Variants in TFB1M observed in about 807,000 individuals in gnomAD.
TFB1M encodes dimethyladenosine transferase 1, mitochondrial.
A neutral mutation model predicts 31.1 loss-of-function variants in TFB1M; 27 were observed. That is an observed-to-expected ratio of 0.87 (90% CI 0.64 to 1.20). TFB1M has a LOEUF of 1.20. TFB1M is among the 50% of genes most tolerant of loss of function. The probability of loss-of-function intolerance (pLI) is 0.00; values close to 1 mark genes in which losing one functional copy is unlikely to be tolerated. For missense variants in TFB1M, 394 were observed against 418.7 expected, an observed-to-expected ratio of 0.94 and a Z score of 0.51; for synonymous variants, 166 against 151.8, an observed-to-expected ratio of 1.09 and a Z score of -0.69.
chr6:155,275,937 T>G (rs780493282), intron 5 of TFB1M: 5 of 1,613,964 alleles, frequency 3.1e-6, no homozygotes, highest in Non-Finnish European at 4.2e-6. Flanking sequence ...ATTCTGTCCC[T>G]CCCCATCCAC....
intron 2 of TFB1M, among the ~76,000 whole-genome samples, chr6:155,309,688 G>A (rs1156776534): frequency 2.0e-5 from 3 of 152,158 alleles, no homozygotes; most frequent in African/African-American, 4.8e-5. Flanking sequence ...AAAGTCAGGT[G>A]AGTATTCCCT....
chr6:155,244,176 A>G, the TFB1M span: 3 of 1,192,742 alleles, frequency 2.5e-6, no homozygotes, highest in African/African-American at 1.5e-5. Context: ...GTTGATCCCA[A>G]AAGAACATCC....
intron 4 of TFB1M, among the ~76,000 whole-genome samples, chr6:155,286,427 CTATG>C (rs1776630124): frequency 6.7e-6 from 1 of 149,762 alleles, no homozygotes; most frequent in East Asian, 2.0e-4. Context: ...ATATATGTAT[CTATG>C]TATGTCTTTT....
At chr6:155,269,192 C>T (rs1784808396) in intron 5 of TFB1M, among the ~76,000 whole-genome samples, 1 of 151,726 alleles carries the variant, frequency 6.6e-6, no homozygotes, top group Non-Finnish European at 1.5e-5. Context: ...AGAGGTGGGG[C>T]AATGCTATGT....
chr6:155,289,142 C>A (rs1776791153), intron 4 of TFB1M, among the ~76,000 whole-genome samples: 2 of 151,944 alleles, frequency 1.3e-5, no homozygotes, highest in Admixed American at 1.3e-4. Context: ...AGCTACACAG[C>A]CATATATCAG....
chr6:155,241,268 C>A, the TFB1M span, among the ~76,000 whole-genome samples: 45 of 152,324 alleles, frequency 3.0e-4, no homozygotes, highest in African/African-American at 1.0e-3. Flanking sequence ...CATAAGCCCC[C>A]AGTCAGTGGT....
chr6:155,240,504 A>G, the TFB1M span: 1 of 1,585,210 alleles, frequency 6.3e-7, no homozygotes, highest in East Asian at 2.3e-5. Flanking sequence ...CCCGTGCATT[A>G]TTTTCCACCT....
chr6:155,310,226 T>C (rs1166131889), intron 2 of TFB1M, among the ~76,000 whole-genome samples: 2 of 152,214 alleles, frequency 1.3e-5, no homozygotes, highest in African/African-American at 4.8e-5. Flanking sequence ...TATTCTATTA[T>C]AGTCACATGA....
At chr6:155,233,637 A>G in the TFB1M span, among the ~76,000 whole-genome samples, 1 of 152,144 alleles carries the variant, frequency 6.6e-6, no homozygotes, top group Admixed American at 6.5e-5. Context: ...AGATAAAATC[A>G]TTTTCAAGCA....
intron 6 of TFB1M, among the ~76,000 whole-genome samples, chr6:155,258,719 T>C (rs896694361): frequency 3.3e-5 from 5 of 152,242 alleles, no homozygotes; most frequent in African/African-American, 1.2e-4. Flanking sequence ...ATTGCATTTT[T>C]CTTCAAGTCT....
At chr6:155,252,918 C>G (rs1342700362), downstream of TFB1M, 1 of 1,591,268 alleles carries the variant, frequency 6.3e-7, no homozygotes, top group Admixed American at 1.7e-5. Flanking sequence ...GCTTCCCTAA[C>G]ACTTTTCTTG....
intron 5 of TFB1M, among the ~76,000 whole-genome samples, chr6:155,283,376 A>T (rs2114734273): frequency 1.3e-5 from 2 of 152,336 alleles, no homozygotes; most frequent in East Asian, 3.9e-4. Flanking sequence ...ACAATATAAT[A>T]AAAAAAGTGA....
intron 5 of TFB1M, among the ~76,000 whole-genome samples, chr6:155,270,054 C>G (rs1784851855): frequency 6.6e-6 from 1 of 152,190 alleles, no homozygotes. Flanking sequence ...GGTTCTTGTT[C>G]TAGTCTGAAG....
At chr6:155,295,401 A>G (rs1777122751) in intron 4 of TFB1M, among the ~76,000 whole-genome samples, 1 of 152,086 alleles carries the variant, frequency 6.6e-6, no homozygotes, top group African/African-American at 2.4e-5. Context: ...TGTATTCATC[A>G]TAGGAATATA....
At chr6:155,304,777 C>G (rs190455270) in intron 2 of TFB1M, among the ~76,000 whole-genome samples, 26 of 151,702 alleles carry the variant, frequency 1.7e-4, no homozygotes, top group Non-Finnish European at 3.4e-4. Flanking sequence ...AATACTGCCA[C>G]AATATTTTCC....
chr6:155,263,293 T>C (rs1430902690), intron 5 of TFB1M, among the ~76,000 whole-genome samples: 2 of 152,212 alleles, frequency 1.3e-5, no homozygotes, highest in Admixed American at 1.3e-4. Context: ...TTTAAGTCTA[T>C]TAATGGGTTT....
chr6:155,230,855 A>G, the TFB1M span, among the ~76,000 whole-genome samples: 2 of 146,128 alleles, frequency 1.4e-5, no homozygotes, highest in Non-Finnish European at 3.0e-5. Flanking sequence ...TTTTTTTGAG[A>G]TGGAGTCTCG....
At chr6:155,261,791 G>C (rs1035305486) in intron 5 of TFB1M, among the ~76,000 whole-genome samples, 1 of 152,190 alleles carries the variant, frequency 6.6e-6, no homozygotes, top group Admixed American at 6.5e-5. Context: ...GTGTGGGCTG[G>C]CGCATGCTGA....
downstream of TFB1M, chr6:155,254,480 A>T (rs766110822): frequency 5.0e-6 from 8 of 1,614,078 alleles, no homozygotes; most frequent in South Asian, 7.7e-5. Context: ...GGAGAACTTC[A>T]GGCGTCACAT....
Sources: allele counts gnomAD v4.1 joint callset (sites outside exome capture counted in the v4.1 genomes callset), GRCh38; gene constraint gnomAD v4.1.1; transcripts MANE v1.5; gene names NCBI Gene and HGNC (gene_info 2026-07-23, HGNC 2026-07-21).